The following STPG1 variants were observed in gnomAD, a reference collection of about 807,000 sequenced individuals.
STPG1 encodes the protein sperm tail PG-rich repeat containing 1.
A neutral mutation model predicts 40.1 loss-of-function variants in STPG1; 33 were observed. That is an observed-to-expected ratio of 0.82 (90% CI 0.62 to 1.10). The LOEUF (loss-of-function observed/expected upper bound fraction) is 1.10. STPG1 is among the 50% of genes least tolerant of loss of function. STPG1 has a pLI of 0.00. For missense variants in STPG1, 396 were observed against 415.1 expected (o/e 0.95, Z 0.40); for synonymous variants, 150 against 155.0 (o/e 0.97, Z 0.24).
At chr1:24,372,925 G>C (rs1641821144) in intron 6 of STPG1, among the ~76,000 whole-genome samples, 1 of 152,206 alleles carries the variant, frequency 6.6e-6, no homozygotes, top group South Asian at 2.1e-4. Flanking sequence ...CTGGAGGTCA[G>C]AGAGCACAGG....
chr1:24,393,146 T>C (rs1018758430), intron 2 of STPG1, among the ~76,000 whole-genome samples: 1 of 152,198 alleles, frequency 6.6e-6, no homozygotes, highest in Non-Finnish European at 1.5e-5. Flanking sequence ...ATTTGCCTAA[T>C]GAGTCCAGGC....
intron 1 of STPG1, among the ~76,000 whole-genome samples, 182 bp from the exon 2 acceptor site, chr1:24,401,638 G>A (rs754040847): frequency 2.6e-5 from 4 of 152,216 alleles, no homozygotes; most frequent in African/African-American, 4.8e-5. Flanking sequence ...TAGGAACTGC[G>A]TAAGAAGTCA....
intron 2 of STPG1, among the ~76,000 whole-genome samples, chr1:24,395,055 GA>G (rs1299721833): frequency 6.6e-6 from 1 of 151,640 alleles, no homozygotes; most frequent in African/African-American, 2.4e-5. Flanking sequence ...AAAGTGATAA[GA>G]AGAAAATGTT....
chr1:24,376,090 G>C (rs1642010636), intron 5 of STPG1, among the ~76,000 whole-genome samples: 1 of 152,174 alleles, frequency 6.6e-6, no homozygotes, highest in Admixed American at 6.5e-5. Context: ...GTGTGATCTT[G>C]GCTCACTGCA....
intron 1 of STPG1, among the ~76,000 whole-genome samples, chr1:24,412,606 C>T (rs1643747221): frequency 6.6e-6 from 1 of 152,190 alleles, no homozygotes; most frequent in Admixed American, 6.5e-5. Flanking sequence ...CACCCGTAAT[C>T]CCAGCACTTT....
chr1:24,359,269 G>A lies in STPG1; in HGVS notation c.929-650C>T, dbSNP rs959794635. ...ATGGGTGATCAGAGCGGCAGGAGCT[G>A]CCTGTCTCTGTGTGCCAGGTGCCTA... On this transcript the variant is annotated intron_variant, in intron 8 of 8. Coordinates refer to ENST00000337248, the MANE Select transcript of STPG1 (RefSeq NM_001199013.2). The surrounding 1 kb of genome is among the most constrained non-coding windows in gnomAD (Gnocchi z 5.3). 1.3e-5 allele frequency among the ~76,000 whole-genome samples: 2 copies of A among 152,256 alleles called. 1 individual carries two copies. The highest frequency in any genetic ancestry group is 4.1e-4 in the South Asian group (2 of 4,830).
At position 24,412,923 on chromosome 1, in the gene STPG1, G is replaced by A. The variant is rs564232784; in HGVS notation, c.-69+751C>T. On this transcript the variant is annotated intron_variant, in intron 1 of 8. Transcript: ENST00000337248. ...ATCATCTCTTGTGTTTTTAAAAAAC[G>A]TTATATATGCTAAGTATTACAGTTT... Among the ~76,000 whole-genome samples the A allele has an allele frequency of 3.9e-5, 6 of 152,204 alleles. No homozygotes were observed. The East Asian group carries it at 5.8e-4, about 15-fold the overall frequency.
chr1:24,363,533 T>C (rs1036144345), intron 7 of STPG1, among the ~76,000 whole-genome samples: 1 of 152,222 alleles, frequency 6.6e-6, no homozygotes, highest in Non-Finnish European at 1.5e-5. Context: ...TATGTGTTCT[T>C]AGAAAAGGCT....
Position 24,358,296 on chromosome 1 carries a change from C to T in STPG1, c.*247G>A. On this transcript the variant is annotated 3_prime_UTR_variant, in exon 9 of 9. Transcript: ENST00000337248. ...AAGCAGCCAGGGGGCTCTGTCCACT[C>T]CTCCCTTCTGCTCAGGAAGCCACTG... 1.5e-6 allele frequency: 1 copy of T among 667,848 alleles called. No homozygotes were observed. The highest frequency in any genetic ancestry group is 1.5e-5 in the South Asian group (1 of 66,438). The allele number at this position is 667,848 out of a possible 1,614,324, so 41.4% of individuals were successfully genotyped here. A position where few individuals can be genotyped will look rare whatever the true frequency, so the allele number is the denominator to read the frequency against.
intron 5 of STPG1, among the ~76,000 whole-genome samples, chr1:24,377,873 C>A (rs1452468605): frequency 6.6e-6 from 1 of 152,212 alleles, no homozygotes; most frequent in African/African-American, 2.4e-5. Flanking sequence ...GTGCAAGTCC[C>A]TTCACCTCTC....
intron 5 of STPG1, among the ~76,000 whole-genome samples, chr1:24,374,453 G>A (rs1024990314): frequency 6.6e-6 from 1 of 151,674 alleles, no homozygotes; most frequent in African/African-American, 2.4e-5. Context: ...TAGAGACAGG[G>A]TTTCACCATG....
At chr1:24,396,877 T>G (rs1052454779) in intron 2 of STPG1, among the ~76,000 whole-genome samples, 2 of 152,074 alleles carry the variant, frequency 1.3e-5, no homozygotes, top group African/African-American at 4.8e-5. Context: ...ATATCCCAAT[T>G]AAAAAACAGA....
In STPG1 at chr1:24,365,326, C is replaced by T. The variant is rs563088875; in HGVS notation, c.738-4285G>A. 2.0e-4 allele frequency among the ~76,000 whole-genome samples: 31 copies of T among 152,268 alleles called. No homozygotes were observed. The South Asian group carries it at 6.4e-3, about 32-fold the overall frequency. ...AAAAATGGCCCTGAGTGTTGCACCT[C>T]CTTGCTGGGGAGCATGAGTTGGAAG... On this transcript the variant is annotated intron_variant, in intron 7 of 8. Coordinates refer to ENST00000337248, the MANE Select transcript of STPG1 (RefSeq NM_001199013.2).
Position 24,360,889 on chromosome 1 carries a change from C to T in STPG1, c.890G>A (p.Trp297Ter), listed in dbSNP as rs1215832693. ...SASFVSNTSR[W>*]TAAPPQPGLP... ...GCCTGGCTGAGGCGGCGCCGCTGTC[C>T]ACCGGCTGGTATTGGACACGAATGA... Residue 297 changes from tryptophan to a stop codon, truncating the protein, a stop_gained, in exon 8 of 9, where the codon TGG (tryptophan) becomes TAG (stop). Coordinates refer to ENST00000337248, the MANE Select transcript of STPG1 (RefSeq NM_001199013.2). LOFTEE classifies it high-confidence loss of function. The T allele has an allele frequency of 6.2e-7, 1 of 1,613,476 alleles. No individual in the cohort carries two copies. Among genetic ancestry groups the T allele is most frequent in the African/African-American group, 1.3e-5 (1 of 74,924 alleles).
intron 7 of STPG1, chr1:24,364,374 C>A: frequency 6.5e-7 from 1 of 1,536,364 alleles, no homozygotes; most frequent in Non-Finnish European, 8.8e-7. Flanking sequence ...CGGAATGACA[C>A]ACCCACCTGG....
intron 6 of STPG1, among the ~76,000 whole-genome samples, chr1:24,373,043 G>A (rs6658100): frequency 5.3e-5 from 8 of 152,188 alleles, no homozygotes; most frequent in African/African-American, 1.9e-4. Flanking sequence ...AATGATGGAG[G>A]ACGTGGGCTC....
chr1:24,404,655 T>C (rs1375566872), intron 1 of STPG1, among the ~76,000 whole-genome samples: 1 of 152,232 alleles, frequency 6.6e-6, no homozygotes, highest in Non-Finnish European at 1.5e-5. Context: ...AATTTGTGTA[T>C]TTTAAGAAAT....
chr1:24,371,399 C>T (rs980225618), intron 6 of STPG1, among the ~76,000 whole-genome samples: 1 of 151,970 alleles, frequency 6.6e-6, no homozygotes, highest in African/African-American at 2.4e-5. Flanking sequence ...ACCAGCCTGA[C>T]CAATATGGTG....
At chr1:24,407,120 T>G (rs1643444550) in intron 1 of STPG1, among the ~76,000 whole-genome samples, 2 of 152,210 alleles carry the variant, frequency 1.3e-5, no homozygotes, top group African/African-American at 4.8e-5. Context: ...TCTATTTCTA[T>G]TACTTTGACT....
Sources: allele counts gnomAD v4.1 joint callset (sites outside exome capture counted in the v4.1 genomes callset), GRCh38; gene constraint gnomAD v4.1.1; non-coding constraint Gnocchi (gnomAD v3.1); transcripts MANE v1.5; gene names NCBI Gene and HGNC (gene_info 2026-07-23, HGNC 2026-07-21).